The following TNKS2 variants were observed in gnomAD, a reference collection of about 807,000 sequenced individuals.
TNKS2 encodes tankyrase 2.
A neutral mutation model predicts 137.6 loss-of-function variants in TNKS2; 72 were observed. The ratio of observed to expected loss-of-function variants is 0.52; its 90% CI spans 0.43 to 0.64. The LOEUF is 0.64. Ranked by LOEUF, TNKS2 falls within the 30% of genes least tolerant of loss-of-function variation. The probability of loss-of-function intolerance (pLI) is 0.00; values close to 1 mark genes in which losing one functional copy is unlikely to be tolerated. For missense variants in TNKS2, 1,049 were observed against 1,410.2 expected (o/e 0.74, Z 4.10); for synonymous variants, 516 against 512.1 (o/e 1.01, Z -0.10).
At chr10:91,830,898 T>A (rs1448162307) in intron 9 of TNKS2, 25 bp from the exon 10 acceptor site, 1 of 1,552,130 alleles carries the variant, frequency 6.4e-7, no homozygotes, top group African/African-American at 1.4e-5. Flanking sequence ...AGTCCTTGAT[T>A]AATGCTGCAA....
At chr10:91,835,237 A>G (rs1841964208) in intron 12 of TNKS2, among the ~76,000 whole-genome samples, 1 of 151,826 alleles carries the variant, frequency 6.6e-6, no homozygotes, top group Non-Finnish European at 1.5e-5. Context: ...ATTATGAGTA[A>G]GTTTGAACAT....
At chr10:91,851,509 C>G (rs1342708692) in intron 21 of TNKS2, among the ~76,000 whole-genome samples, 173 bp downstream of exon 21, 1 of 152,170 alleles carries the variant, frequency 6.6e-6, no homozygotes, top group Non-Finnish European at 1.5e-5. Flanking sequence ...CTTAAACTTA[C>G]TGAGCTGCTG....
intron 1 of TNKS2, among the ~76,000 whole-genome samples, chr10:91,805,801 C>G (rs1844307028): frequency 6.6e-6 from 1 of 152,152 alleles, no homozygotes. Context: ...TTCTTTTTCT[C>G]TTACTCTCCA....
intron 13 of TNKS2, among the ~76,000 whole-genome samples, chr10:91,838,203 GGATA>G (rs1420458401): frequency 1.3e-5 from 2 of 151,892 alleles, no homozygotes; most frequent in South Asian, 2.1e-4. Context: ...CCAGAGGAGG[GGATA>G]GATAAAGAGG....
At chr10:91,852,551 C>G (rs1233809832) in intron 21 of TNKS2, among the ~76,000 whole-genome samples, 1 of 152,232 alleles carries the variant, frequency 6.6e-6, no homozygotes, top group Non-Finnish European at 1.5e-5. Context: ...CAGAGCGAGA[C>G]TCCGTCTCAA....
chr10:91,833,981 T>C lies in TNKS2; in HGVS notation c.1404T>C (p.Thr468=). ...ACATTATATCCCTTCAGGGCTTTAC[T>C]GCTTTACAGATGGGAAATGAAAATG... is the stretch of plus-strand genomic sequence containing the variant. The part of the protein sequence containing the change: ...DPNIISLQGF[T]ALQMGNENVQ... The change falls in exon 12 of 27, where the codon ACT becomes ACC. Residue 468 remains threonine, a synonymous_variant. Transcript: ENST00000371627. The C allele has an allele frequency of 6.2e-7, 1 of 1,609,630 alleles. No individual in the cohort carries two copies. The highest frequency in any genetic ancestry group is 1.1e-5 in the South Asian group (1 of 89,864).
chr10:91,821,190 A>G (rs1844879566), intron 6 of TNKS2, among the ~76,000 whole-genome samples: 1 of 152,110 alleles, frequency 6.6e-6, no homozygotes, highest in Admixed American at 6.5e-5. Flanking sequence ...GGTGCACACC[A>G]CCACGCCTGG....
At position 91,850,942 on chromosome 10, in the gene TNKS2, G is replaced by T. The variant is rs1444546660; in HGVS notation, c.2695-274G>T. 2.6e-5 allele frequency among the ~76,000 whole-genome samples: 4 copies of T among 152,212 alleles called. No homozygotes were observed. In the East Asian group the frequency reaches 7.7e-4, roughly 29 times the overall value. Reference sequence around the variant, plus strand: ...CCAGACTCAGCAGGAACCATTGAAAGACATTATATAAATAGGGTTGGATGT... The same window carrying T: ...CCAGACTCAGCAGGAACCATTGAAATACATTATATAAATAGGGTTGGATGT... On this transcript the variant is annotated intron_variant, in intron 20 of 26. Coordinates refer to ENST00000371627, the MANE Select transcript of TNKS2 (RefSeq NM_025235.4).
chr10:91,847,153 G>T (rs1842398209), intron 18 of TNKS2, among the ~76,000 whole-genome samples: 2 of 152,156 alleles, frequency 1.3e-5, no homozygotes, highest in South Asian at 2.1e-4. Context: ...TTTACAAATT[G>T]TGAGTGCAAT....
At chr10:91,855,470 C>T in intron 22 of TNKS2, 144 bp from the exon 23 acceptor site, 1 of 726,590 alleles carries the variant, frequency 1.4e-6, no homozygotes. Flanking sequence ...CATGCCCAGC[C>T]CTCATATTCT....
intron 1 of TNKS2, among the ~76,000 whole-genome samples, chr10:91,801,552 C>A (rs948325908): frequency 1.3e-4 from 20 of 152,112 alleles, no homozygotes; most frequent in African/African-American, 4.8e-4. Flanking sequence ...CAGCTCACTG[C>A]AACCCCCACC....
At chr10:91,846,612 A>G (rs144251872) in intron 18 of TNKS2, among the ~76,000 whole-genome samples, 2 of 152,300 alleles carry the variant, frequency 1.3e-5, no homozygotes, top group East Asian at 3.9e-4. Flanking sequence ...GGAGGAAGGA[A>G]TTCTTTTTGA....
chr10:91,811,342 C>G (rs1844496242), intron 1 of TNKS2, among the ~76,000 whole-genome samples: 1 of 151,960 alleles, frequency 6.6e-6, no homozygotes, highest in Non-Finnish European at 1.5e-5. Context: ...TTTTCCTAAT[C>G]ATCCCTTATT....
chr10:91,811,037 G>A (rs1589647690), intron 1 of TNKS2, among the ~76,000 whole-genome samples: 1 of 135,134 alleles, frequency 7.4e-6, no homozygotes, highest in Non-Finnish European at 1.5e-5. Flanking sequence ...AAGCAATTCT[G>A]TCTCAGCTTC....
chr10:91,825,912 T>G (rs1845053975), intron 7 of TNKS2, among the ~76,000 whole-genome samples: 2 of 152,258 alleles, frequency 1.3e-5, no homozygotes, highest in African/African-American at 4.8e-5. Flanking sequence ...ATTAGAAGAC[T>G]CTTTGACATT....
At chr10:91,813,573 A>G (rs943358873) in intron 2 of TNKS2, among the ~76,000 whole-genome samples, 4 of 152,206 alleles carry the variant, frequency 2.6e-5, no homozygotes, top group African/African-American at 9.7e-5. Flanking sequence ...AGAAAGGGAA[A>G]GTCTTTCCAG....
At chr10:91,846,309 A>G (rs1453524248) in intron 18 of TNKS2, among the ~76,000 whole-genome samples, 3 of 152,186 alleles carry the variant, frequency 2.0e-5, no homozygotes, top group East Asian at 3.9e-4. Flanking sequence ...CACGGCCCCA[A>G]CTGGGAACAT....
intron 2 of TNKS2, among the ~76,000 whole-genome samples, chr10:91,815,625 TTA>T (rs1345089770): frequency 6.6e-6 from 1 of 152,166 alleles, no homozygotes; most frequent in Non-Finnish European, 1.5e-5. Flanking sequence ...TTTATATTGA[TTA>T]TAATATAAAT....
intron 1 of TNKS2, among the ~76,000 whole-genome samples, chr10:91,811,909 A>G (rs1210653520): frequency 6.6e-6 from 1 of 152,094 alleles, no homozygotes; most frequent in Non-Finnish European, 1.5e-5. Context: ...AAATACAAAA[A>G]ATTAGCCAAG....
Sources: gnomAD v4.1 joint callset for allele counts (sites outside exome capture counted in the v4.1 genomes callset) on GRCh38, gnomAD v4.1.1 for gene constraint, MANE v1.5 for transcripts, NCBI Gene and HGNC (gene_info 2026-07-23, HGNC 2026-07-21) for gene names.